TUT7: variants seen among roughly 807,000 people sequenced by gnomAD.
The protein encoded by TUT7 is terminal uridylyl transferase 7, also known as terminal uridylyltransferase 7.
In TUT7, 33 loss-of-function variants were observed where a neutral mutation model predicts 165.9. The observed-to-expected ratio is 0.20, with a 90% CI of 0.15 to 0.27. The LOEUF (loss-of-function observed/expected upper bound fraction) is 0.27. Among genes scored for constraint, TUT7 ranks in the 10% least tolerant of loss-of-function variants. The pLI is 1.00. For synonymous variants in TUT7, 552 were observed against 608.1 expected (o/e 0.91, Z 1.36); for missense variants, 1,338 against 1,762.3 (o/e 0.76, Z 4.31).
chr9:86,299,710 G>T (rs1208890337), intron 26 of TUT7, among the ~76,000 whole-genome samples: 7 of 152,154 alleles, frequency 4.6e-5, no homozygotes, highest in Non-Finnish European at 1.0e-4. Context: ...TCTAACTGTT[G>T]TGAGAGCTTC....
chr9:86,297,490 G>GT (rs1201967855), intron 26 of TUT7, among the ~76,000 whole-genome samples: 2 of 152,116 alleles, frequency 1.3e-5, no homozygotes, highest in East Asian at 1.9e-4. Context: ...GCAAGAATTA[G>GT]TTTTTTTTCC....
intron 17 of TUT7, among the ~76,000 whole-genome samples, chr9:86,314,470 G>T (rs944119512): frequency 6.6e-6 from 1 of 152,080 alleles, no homozygotes; most frequent in Non-Finnish European, 1.5e-5. Flanking sequence ...GTTAAGTCTT[G>T]GAGATTATAT....
rs1411522134 is a variant in TUT7 at position 86,301,361 on chromosome 9, G to T, written c.4335C>A (p.Asp1445Glu). The T allele has an allele frequency of 1.4e-5, 23 of 1,613,912 alleles. No homozygotes were observed. The highest frequency in any genetic ancestry group is 1.9e-5 in the Non-Finnish European group (22 of 1,180,018). Residue 1445 changes from aspartate to glutamate, a missense_variant, in exon 26 of 27, where the codon GAC (aspartate) becomes GAA (glutamate). This residue lies in a region of TUT7 where 167 missense variants were observed against 204.9 expected (regional missense o/e 0.82). Transcript: ENST00000375963. The part of the protein sequence containing the change: ...PPVEKWKRQD[D>E]KDLREKRCFI... Reference sequence around the variant, plus strand: ...AACAACGTTTTTCTCTTAAGTCTTTGTCATCCTGTCTCTTCCATTTTTCTA... The same window carrying T: ...AACAACGTTTTTCTCTTAAGTCTTTTTCATCCTGTCTCTTCCATTTTTCTA...
At chr9:86,321,039 C>G (rs1177146776) in intron 14 of TUT7, among the ~76,000 whole-genome samples, 2 of 152,136 alleles carry the variant, frequency 1.3e-5, no homozygotes, top group Non-Finnish European at 2.9e-5. Flanking sequence ...GGAAGTGTGT[C>G]CAGGCTTCAA....
chr9:86,324,095 T>TA (rs1016594329), intron 12 of TUT7, 135 bp from the exon 13 acceptor site: 1,847 of 838,688 alleles, frequency 2.2e-3, no homozygotes, highest in East Asian at 3.0e-3. Context: ...TTTATAGACT[T>TA]AAAAAAAAAC....
chr9:86,339,925 T>A, intron 8 of TUT7, 111 bp downstream of exon 8: 1 of 836,614 alleles, frequency 1.2e-6, no homozygotes, highest in South Asian at 1.5e-5. Context: ...CCATGTGTGA[T>A]AACCAAATAA....
chr9:86,353,068 G>A lies in TUT7; in HGVS notation c.132C>T (p.Gly44=), dbSNP rs1832437241. The A allele has an allele frequency of 6.2e-7, 1 of 1,614,108 alleles. No homozygotes were observed. The highest frequency in any genetic ancestry group is 2.2e-5 in the East Asian group (1 of 44,882). The change falls in exon 2 of 27, where the codon GGC becomes GGT. Residue 44 remains glycine, a synonymous_variant. Coordinates refer to ENST00000375963, the MANE Select transcript of TUT7 (RefSeq NM_024617.4). ...LIIDDHAKGH[G]SKMEKGLQKK... Reference sequence around the variant, plus strand: ...TTTGAAGGCCCTTTTCCATTTTACTGCCATGGCCTTTAGCATGGTCATCTA... The same window carrying A: ...TTTGAAGGCCCTTTTCCATTTTACTACCATGGCCTTTAGCATGGTCATCTA...
intron 6 of TUT7, among the ~76,000 whole-genome samples, chr9:86,341,639 A>C (rs141355083): frequency 1.4e-4 from 21 of 152,152 alleles, no homozygotes; most frequent in Non-Finnish European, 1.9e-4. Context: ...ATACTTACAC[A>C]ACCTTTCTTT....
Position 86,340,069 on chromosome 9 carries a change from C to G in TUT7, c.1175G>C (p.Arg392Thr). Residue 392 changes from arginine to threonine, a missense_variant, in exon 8 of 27, where the codon AGG (arginine) becomes ACG (threonine). By Grantham distance (71) the Arg-to-Thr change is moderately conservative. This residue lies in a region of TUT7 where 434 missense variants were observed against 480.8 expected (regional missense o/e 0.90). Coordinates refer to ENST00000375963, the MANE Select transcript of TUT7 (RefSeq NM_024617.4). ...FIDVDADFHA[R>T]VPVVVCREKQ... is the part of the protein sequence containing the mutation. ...TTCTCTGCACACCACCACTGGCACC[C>G]TAGCATGGAAGTCTGCATCAACATC... The G allele has an allele frequency of 6.2e-7, 1 of 1,613,890 alleles. No individual in the cohort carries two copies. The highest frequency in any genetic ancestry group is 2.2e-5 in the East Asian group (1 of 44,826).
intron 17 of TUT7, among the ~76,000 whole-genome samples, chr9:86,316,942 C>G (rs1355749503): frequency 2.0e-5 from 3 of 151,938 alleles, no homozygotes; most frequent in Non-Finnish European, 2.9e-5. Context: ...TACAGTATAA[C>G]AACTATTTAC....
Position 86,305,181 on chromosome 9 carries a change from A to T in TUT7, c.3886+11T>A, listed in dbSNP as rs776258616. The T allele has an allele frequency of 2.5e-6, 4 of 1,593,164 alleles. No individual in the cohort carries two copies. ...AAATAAAAAATAAAATTGACAAACG[A>T]AGTAACTCACTTTTCCTTGATAATC... is the stretch of plus-strand genomic sequence containing the variant. On this transcript the variant is annotated intron_variant, in intron 23 of 26. Coordinates refer to ENST00000375963, the MANE Select transcript of TUT7 (RefSeq NM_024617.4).
intron 17 of TUT7, 95 bp from the exon 18 acceptor site, chr9:86,310,904 A>C (rs924456765): frequency 2.8e-6 from 2 of 705,772 alleles, no homozygotes; most frequent in African/African-American, 1.8e-5. Context: ...GTGTAAACCT[A>C]ACTTTGGCCT....
intron 4 of TUT7, 41 bp from the exon 5 acceptor site, chr9:86,345,195 T>C (rs1027030973): frequency 9.5e-6 from 15 of 1,573,136 alleles, no homozygotes; most frequent in Admixed American, 9.3e-5. Flanking sequence ...GACTTACACA[T>C]AGTTTTGACC....
At position 86,328,534 on chromosome 9, in the gene TUT7, T is replaced by A. The variant is rs185161120; in HGVS notation, c.1456-42A>T. 3.4e-4 allele frequency: 518 copies of A among 1,538,442 alleles called. 4 individuals carry two copies. The East Asian group carries it at 0.011, about 33-fold the overall frequency. ...ACATGCTAAAATAAGATAGAAATAA[T>A]CTTATATCAAACACAGTCTACTAAT... is the stretch of plus-strand genomic sequence containing the variant. On this transcript the variant is annotated intron_variant, in intron 10 of 26. Coordinates refer to ENST00000375963, the MANE Select transcript of TUT7 (RefSeq NM_024617.4).
chr9:86,350,391 T>C (rs1045951865), intron 2 of TUT7, among the ~76,000 whole-genome samples: 1 of 152,154 alleles, frequency 6.6e-6, no homozygotes, highest in Non-Finnish European at 1.5e-5. Flanking sequence ...TACAAGACTA[T>C]AGGTAACAAA....
At chr9:86,308,960 AC>A (rs1001635914) in intron 21 of TUT7, among the ~76,000 whole-genome samples, 12 of 152,204 alleles carry the variant, frequency 7.9e-5, no homozygotes, top group Non-Finnish European at 1.5e-4. Flanking sequence ...ATATTCATTC[AC>A]TTGGAATAAA....
At chr9:86,303,564 A>C (rs1325258258) in intron 24 of TUT7, among the ~76,000 whole-genome samples, 3 of 152,202 alleles carry the variant, frequency 2.0e-5, no homozygotes, top group Non-Finnish European at 4.4e-5. Flanking sequence ...GCTAAAACAT[A>C]ATGAATTGAG....
intron 6 of TUT7, 131 bp downstream of exon 6, chr9:86,342,944 A>C (rs1479642725): frequency 1.6e-6 from 1 of 618,332 alleles, no homozygotes; most frequent in East Asian, 3.2e-5. Context: ...TCTGAAACTG[A>C]AGGCAAGCGG....
At chr9:86,339,956 T>C (rs1330079093) in intron 8 of TUT7, 80 bp downstream of exon 8, 5 of 1,032,716 alleles carry the variant, frequency 4.8e-6, no homozygotes, top group South Asian at 1.3e-5. Flanking sequence ...ATTCTAGAAA[T>C]TGGACATTAA....
Sources: allele counts gnomAD v4.1 joint callset (sites outside exome capture counted in the v4.1 genomes callset), GRCh38; gene constraint gnomAD v4.1.1; regional missense constraint gnomAD v4.1.1; transcripts MANE v1.5; gene names NCBI Gene and HGNC (gene_info 2026-07-23, HGNC 2026-07-21).